FER1L5: variants seen among roughly 807,000 people sequenced by gnomAD.
The protein encoded by FER1L5 is fer-1-like protein 5.
Under a neutral mutation model 279.9 loss-of-function variants are expected in FER1L5, and 187 were observed. The observed-to-expected ratio is 0.67, with a 90% confidence interval of 0.59 to 0.75. The LOEUF (loss-of-function observed/expected upper bound fraction) is 0.75, where lower values mean the gene tolerates loss of function less well. Ranked by LOEUF, FER1L5 falls within the 30% of genes least tolerant of loss-of-function variation. The probability of loss-of-function intolerance (pLI) is 0.00; values close to 1 mark genes in which losing one functional copy is unlikely to be tolerated. For synonymous variants in FER1L5, 921 were observed against 989.7 expected, an observed-to-expected ratio of 0.93 and a Z score of 1.30; for missense variants, 2,091 against 2,594.4, an observed-to-expected ratio of 0.81 and a Z score of 4.21.
Position 96,659,489 on chromosome 2 carries a change from CTTTCTTTCTTTCTTTCTTTCGA to C in FER1L5, c.748-851_748-830del, listed in dbSNP as rs1558855612. ...TCTTTCTTTCTTTCTTTCTTTCTTT[CTTTCTTTCTTTCTTTCTTTCGA>C]GACAGAGTCTCGCTCTGTCGCCCAG... On this transcript the variant is annotated intron_variant, in intron 9 of 52. Coordinates refer to ENST00000624922, the MANE Select transcript of FER1L5 (RefSeq NM_001293083.2). Among the ~76,000 whole-genome samples the C allele has an allele frequency of 4.8e-4, 18 of 37,400 alleles. 1 individual carries two copies. The highest frequency in any genetic ancestry group is 3.3e-3 in the South Asian group (2 of 598). 24.5% of individuals were successfully genotyped at this position (37,400 alleles called of 152,430 possible).
At chr2:96,701,176 G>A (rs982667357) in intron 45 of FER1L5, among the ~76,000 whole-genome samples, 4 of 152,208 alleles carry the variant, frequency 2.6e-5, no homozygotes, top group African/African-American at 9.6e-5. Context: ...TGGGCATGGT[G>A]GTGGGTGCCT....
chr2:96,687,722 G>T, intron 23 of FER1L5, 94 bp from the exon 24 acceptor site: 9 of 1,415,572 alleles, frequency 6.4e-6, no homozygotes, highest in South Asian at 1.3e-5. Flanking sequence ...CAGGGCTCAG[G>T]GGGGAAGGGG....
At chr2:96,692,986 G>A (rs2077213878) in intron 31 of FER1L5, among the ~76,000 whole-genome samples, 1 of 152,066 alleles carries the variant, frequency 6.6e-6, no homozygotes, top group South Asian at 2.1e-4. Flanking sequence ...GACCAGCCTG[G>A]CCAACATGGT....
chr2:96,673,384 A>T (rs1452996845), intron 19 of FER1L5, 130 bp downstream of exon 19: 1 of 1,098,600 alleles, frequency 9.1e-7, no homozygotes, highest in Non-Finnish European at 1.3e-6. Flanking sequence ...CACATGAAAA[A>T]ATGAGGTTCA....
intron 34 of FER1L5, 119 bp from the exon 35 acceptor site, chr2:96,695,390 C>T: frequency 7.6e-7 from 1 of 1,317,218 alleles, no homozygotes; most frequent in South Asian, 1.5e-5. Context: ...CAGCCCCATT[C>T]CCTGGCCCTG....
chr2:96,703,373 T>C, intron 50 of FER1L5, 27 bp downstream of exon 50: 1 of 1,599,934 alleles, frequency 6.3e-7, no homozygotes, highest in Non-Finnish European at 8.5e-7. Context: ...GTCTACTGAT[T>C]AGGGCTGCTA....
intron 14 of FER1L5, among the ~76,000 whole-genome samples, chr2:96,664,268 C>G (rs1052281685): frequency 2.6e-5 from 4 of 152,096 alleles, no homozygotes; most frequent in Non-Finnish European, 5.9e-5. Context: ...ACCCATCATA[C>G]AATCAACATA....
intron 37 of FER1L5, among the ~76,000 whole-genome samples, chr2:96,696,298 C>CT (rs562822949): frequency 5.1e-4 from 75 of 147,458 alleles, no homozygotes; most frequent in South Asian, 1.1e-3. Flanking sequence ...ACTTTTCAAT[C>CT]TTTTTTTTTT....
chr2:96,703,609 G>A lies in FER1L5; in HGVS notation c.5778G>A (p.Gln1926=). The A allele has an allele frequency of 6.2e-7, 1 of 1,613,884 alleles. No individual in the cohort carries two copies. Among genetic ancestry groups the A allele is most frequent in the Non-Finnish European group, 8.5e-7 (1 of 1,179,880 alleles). ...GGCGAGGCCAGTCGGAACCCAACCAGTACCCCACACTTCATCCTCCCCTGT... is the reference window on the plus strand; with the variant it reads ...GGCGAGGCCAGTCGGAACCCAACCAATACCCCACACTTCATCCTCCCCTGT... The part of the protein sequence containing the change: ...PAGRGQSEPN[Q]YPTLHPPLRT... The change falls in exon 51 of 53, where the codon CAG becomes CAA. Residue 1926 remains glutamine (Q), a synonymous_variant. Transcript: ENST00000624922.
chr2:96,674,821 A>G (rs926087808), intron 19 of FER1L5, among the ~76,000 whole-genome samples: 6 of 149,358 alleles, frequency 4.0e-5, no homozygotes, highest in Admixed American at 2.7e-4. Context: ...ACCAAAAACT[A>G]AAAAAAAATA....
At position 96,670,132 on chromosome 2, in the gene FER1L5, C is replaced by T; in HGVS notation, c.1376C>T (p.Ser459Phe). ...IQEEGACIPDSVRDGLAYRGR... is the reference protein window; with the variant it reads ...IQEEGACIPDFVRDGLAYRGR... The stretch of plus-strand genomic sequence containing the variant: ...CGCTTGCCCTAGTGTATTCCCGACT[C>T]TGTTAGGGATGGTTTAGCTTATCGA... Residue 459 changes from serine to phenylalanine, a missense_variant, in exon 18 of 53, where the codon TCT becomes TTT. Physicochemically the swap from Ser to Phe is radical, Grantham distance 155. Coordinates refer to ENST00000624922, the MANE Select transcript of FER1L5 (RefSeq NM_001293083.2). 1 of 1,551,662 alleles carries T rather than the reference C, an allele frequency of 6.4e-7. No homozygotes were observed. The highest frequency in any genetic ancestry group is 1.2e-5 in the South Asian group (1 of 84,056).
intron 44 of FER1L5, 113 bp from the exon 45 acceptor site, chr2:96,700,219 T>C (rs951137483): frequency 6.4e-7 from 1 of 1,561,704 alleles, no homozygotes; most frequent in South Asian, 1.2e-5. Context: ...GAGCAGCCCA[T>C]CCCTTTCCCC....
chr2:96,672,063 C>T (rs1038632891), intron 18 of FER1L5, among the ~76,000 whole-genome samples: 1 of 151,934 alleles, frequency 6.6e-6, no homozygotes, highest in African/African-American at 2.4e-5. Flanking sequence ...AGTGAAACCA[C>T]ATCTCTAAAA....
chr2:96,658,298 G>A (rs923167716), intron 9 of FER1L5, among the ~76,000 whole-genome samples: 1 of 151,566 alleles, frequency 6.6e-6, no homozygotes, highest in Admixed American at 6.6e-5. Flanking sequence ...TTACATGCGT[G>A]AGCCAACGCA....
chr2:96,659,637 G>A lies in FER1L5; in HGVS notation c.748-704G>A, dbSNP rs181385580. Among the ~76,000 whole-genome samples, 362 of 150,514 alleles carry A rather than the reference G, an allele frequency of 2.4e-3. 1 individual carries two copies. The Middle Eastern group carries it at 0.041, about 17-fold the overall frequency. On this transcript the variant is annotated intron_variant, in intron 9 of 52. Coordinates refer to ENST00000624922, the MANE Select transcript of FER1L5 (RefSeq NM_001293083.2). ...CTCCCTAGTAGCTGAGACTACAGGG[G>A]CCCGCCACCACGCCCGGCTAATTTT...
In FER1L5 at chr2:96,647,093, C is replaced by A; in HGVS notation, c.168C>A (p.Pro56=). The A allele has an allele frequency of 6.4e-7, 1 of 1,551,644 alleles. No individual in the cohort carries two copies. Among genetic ancestry groups the A allele is most frequent in the Non-Finnish European group, 8.7e-7 (1 of 1,146,982 alleles). ...TAATCTGGCACCTCTGGAACCGCCCCCTGGAAAATGACTCCTTCCTGCAAG... is the reference window on the plus strand; with the variant it reads ...TAATCTGGCACCTCTGGAACCGCCCACTGGAAAATGACTCCTTCCTGCAAG... The part of the protein sequence containing the change: ...ETLIWHLWNR[P]LENDSFLQVT... Residue 56 remains proline, a synonymous_variant, in exon 3 of 53, where the codon CCC becomes CCA. Transcript: ENST00000624922.
chr2:96,675,286 T>A (rs1049127982), intron 19 of FER1L5, among the ~76,000 whole-genome samples: 5 of 152,166 alleles, frequency 3.3e-5, no homozygotes, highest in Non-Finnish European at 7.3e-5. Flanking sequence ...TCCTCTAAAT[T>A]ATATACCTAT....
rs2077607210 is a variant in FER1L5 at position 96,702,148 on chromosome 2, T to C, written c.5159+105T>C. On this transcript the variant is annotated intron_variant, in intron 46 of 52. Transcript: ENST00000624922. The surrounding 1 kb of genome is among the most constrained non-coding windows in gnomAD (Gnocchi z 4.0). ...ACTGAGCTGCAGTAATTCGTTTCTC[T>C]ATTGGGAAGAGAGGAAGCTCTACTG... 2 of 1,570,958 alleles carry C rather than the reference T, an allele frequency of 1.3e-6. No individual in the cohort carries two copies. Among genetic ancestry groups the C allele is most frequent in the Admixed American group, 1.8e-5 (1 of 54,540 alleles).
intron 19 of FER1L5, among the ~76,000 whole-genome samples, chr2:96,678,475 C>T (rs1417284382): frequency 6.6e-6 from 1 of 151,290 alleles, no homozygotes; most frequent in Non-Finnish European, 1.5e-5. Flanking sequence ...GCTCTGACAC[C>T]CAAGCTGGAG....
Sources: gnomAD v4.1 joint callset for allele counts (sites outside exome capture counted in the v4.1 genomes callset) on GRCh38, gnomAD v4.1.1 for gene constraint, Gnocchi (gnomAD v3.1) non-coding constraint, MANE v1.5 for transcripts, NCBI Gene and HGNC (gene_info 2026-07-23, HGNC 2026-07-21) for gene names.